Variants in DNM3 observed in about 807,000 individuals in gnomAD.
The protein encoded by DNM3 is dynamin-3.
Under a neutral mutation model 101.6 loss-of-function variants are expected in DNM3, and 47 were observed. The ratio of observed to expected loss-of-function variants is 0.46; its 90% CI spans 0.37 to 0.59. The LOEUF is 0.59. Ranked by LOEUF, DNM3 falls within the 20% of genes least tolerant of loss-of-function variation. DNM3 has a pLI of 0.00. For missense variants in DNM3, 849 were observed against 1,085.7 expected (o/e 0.78, Z 3.06); for synonymous variants, 385 against 387.9 (o/e 0.99, Z 0.09).
intron 14 of DNM3, among the ~76,000 whole-genome samples, chr1:172,223,271 TC>T (rs1389740644): frequency 6.7e-6 from 1 of 148,810 alleles, no homozygotes; most frequent in African/African-American, 2.5e-5. Context: ...TTTTTTCTTT[TC>T]TTTTTTTTTT....
intron 16 of DNM3, among the ~76,000 whole-genome samples, chr1:172,318,219 T>C (rs1341478101): frequency 6.6e-6 from 1 of 152,142 alleles, no homozygotes; most frequent in Non-Finnish European, 1.5e-5. Flanking sequence ...ATAAATTAGG[T>C]ATTGATGGGA....
rs112446321 is a variant in DNM3 at position 172,371,890 on chromosome 1, T to A, written c.1894-7128T>A. 3.9e-3 allele frequency among the ~76,000 whole-genome samples: 571 copies of A among 147,744 alleles called. 2 individuals carry two copies. The highest frequency in any genetic ancestry group is 0.012 in the African/African-American group (491 of 39,892). On this transcript the variant is annotated intron_variant, in intron 17 of 20. Transcript: ENST00000627582. ...TTTTTATTTTTTATTTTTTTTACTT[T>A]TTTATTTATTTATTTATTTATTTAT...
At chr1:172,339,194 A>G in intron 17 of DNM3, 3 of 306,938 alleles carry the variant, frequency 9.8e-6, no homozygotes, top group Non-Finnish European at 1.9e-5. Flanking sequence ...TCTACCTCTA[A>G]CTAAATTTCA....
At chr1:171,972,864 AAC>A (rs1208037442) in intron 2 of DNM3, among the ~76,000 whole-genome samples, 28 of 107,466 alleles carry the variant, frequency 2.6e-4, no homozygotes, top group Admixed American at 2.4e-3. Context: ...ACAAACAAAA[AAC>A]AAAAACAACA....
chr1:172,221,763 T>C (rs2060914259), intron 14 of DNM3, among the ~76,000 whole-genome samples: 1 of 152,146 alleles, frequency 6.6e-6, no homozygotes, highest in Non-Finnish European at 1.5e-5. Context: ...TATCTCTCTT[T>C]CTCTCTCCAA....
chr1:171,852,837 C>T (rs1356278267), intron 1 of DNM3, among the ~76,000 whole-genome samples: 2 of 152,122 alleles, frequency 1.3e-5, no homozygotes, highest in Non-Finnish European at 2.9e-5. Context: ...GGCTGCTTGG[C>T]ATGGTGTAGT....
At chr1:172,165,141 T>C (rs1161421371) in intron 14 of DNM3, among the ~76,000 whole-genome samples, 1 of 152,062 alleles carries the variant, frequency 6.6e-6, no homozygotes, top group Non-Finnish European at 1.5e-5. Context: ...AAGACCTAAC[T>C]GGTCTTTAAC....
At chr1:172,042,389 T>A (rs556271201) in intron 8 of DNM3, among the ~76,000 whole-genome samples, 1 of 152,322 alleles carries the variant, frequency 6.6e-6, no homozygotes, top group South Asian at 2.1e-4. Flanking sequence ...GTTGTCTAAT[T>A]AATTTAAAAA....
chr1:172,316,098 A>T (rs1053669485), intron 16 of DNM3, among the ~76,000 whole-genome samples: 1 of 152,174 alleles, frequency 6.6e-6, no homozygotes, highest in Admixed American at 6.5e-5. Context: ...ATTCTTAAAG[A>T]AAAGAATTTT....
At chr1:172,271,930 C>T (rs1039187317) in intron 15 of DNM3, among the ~76,000 whole-genome samples, 6 of 152,110 alleles carry the variant, frequency 3.9e-5, no homozygotes, top group East Asian at 3.8e-4. Context: ...GTGTCAATGA[C>T]GCCCATGGTG....
chr1:171,918,161 G>A (rs989078585), intron 1 of DNM3, among the ~76,000 whole-genome samples: 1 of 152,076 alleles, frequency 6.6e-6, no homozygotes, highest in Admixed American at 6.6e-5. Context: ...TAAGGTAAGC[G>A]AATACTACAA....
chr1:172,022,682 C>T (rs536574962), intron 4 of DNM3, among the ~76,000 whole-genome samples: 2 of 152,134 alleles, frequency 1.3e-5, no homozygotes, highest in South Asian at 2.1e-4. Flanking sequence ...CTACCACTTA[C>T]AATTCTTTTA....
At chr1:172,145,457 T>C (rs572636417) in intron 14 of DNM3, among the ~76,000 whole-genome samples, 32 of 151,560 alleles carry the variant, frequency 2.1e-4, no homozygotes, top group Admixed American at 2.1e-3. Context: ...GTTGAATCTG[T>C]CAGCAGCTTG....
intron 8 of DNM3, among the ~76,000 whole-genome samples, chr1:172,042,348 A>C (rs2049447223): frequency 6.6e-6 from 1 of 152,186 alleles, no homozygotes; most frequent in Non-Finnish European, 1.5e-5. Context: ...ACTACATTTC[A>C]AACACAAATA....
intron 16 of DNM3, among the ~76,000 whole-genome samples, chr1:172,311,956 T>G (rs2065100759): frequency 6.6e-6 from 1 of 152,246 alleles, no homozygotes; most frequent in Non-Finnish European, 1.5e-5. Flanking sequence ...ATAAACAATA[T>G]TTGCATTTCT....
intron 15 of DNM3, chr1:172,290,004 G>A (rs1475152704): frequency 2.2e-6 from 2 of 920,204 alleles, no homozygotes; most frequent in South Asian, 1.0e-4. Context: ...TAGGTTTGAT[G>A]ATTAATTTGT....
At chr1:172,366,386 T>A (rs2068021356) in intron 17 of DNM3, among the ~76,000 whole-genome samples, 1 of 151,930 alleles carries the variant, frequency 6.6e-6, no homozygotes, top group Non-Finnish European at 1.5e-5. Context: ...TTCTTTTCAG[T>A]GAAATGTTGA....
chr1:172,228,288 C>A (rs1309332750), intron 14 of DNM3, among the ~76,000 whole-genome samples: 1 of 151,472 alleles, frequency 6.6e-6, no homozygotes, highest in African/African-American at 2.4e-5. Context: ...TCTAAAATTT[C>A]TATTTTGTGG....
intron 4 of DNM3, among the ~76,000 whole-genome samples, chr1:172,032,043 C>T (rs2048643776): frequency 6.6e-6 from 1 of 152,106 alleles, no homozygotes; most frequent in Non-Finnish European, 1.5e-5. Flanking sequence ...TAATGTAATA[C>T]ATAAAAATTT....
Sources: allele counts gnomAD v4.1 joint callset (sites outside exome capture counted in the v4.1 genomes callset), GRCh38; gene constraint gnomAD v4.1.1; transcripts MANE v1.5; gene names NCBI Gene and HGNC (gene_info 2026-07-23, HGNC 2026-07-21).